GAB2: variants seen among roughly 807,000 people sequenced by gnomAD.
GAB2 encodes the protein GRB2 associated binding protein 2, also known as GRB2-associated-binding protein 2.
In GAB2, 26 loss-of-function variants were observed where a neutral mutation model predicts 65.5. The observed-to-expected ratio is 0.40, with a 90% CI of 0.29 to 0.55. The LOEUF is 0.55. Ranked by LOEUF, GAB2 falls within the 20% of genes least tolerant of loss-of-function variation. The pLI is 0.53. For missense variants in GAB2, 884 were observed against 875.8 expected, an observed-to-expected ratio of 1.01 and a Z score of -0.12; for synonymous variants, 321 against 329.6, an observed-to-expected ratio of 0.97 and a Z score of 0.28.
chr11:78,390,663 T>C (rs114428803), intron 1 of GAB2, among the ~76,000 whole-genome samples: 1,931 of 152,256 alleles, frequency 0.013, 36 homozygotes, highest in African/African-American at 0.044. Flanking sequence ...TTGAGACAGA[T>C]GTCCAATACC....
chr11:78,233,040 G>GTTTTTTTTTTTTTTTTTTTTTT (rs372693456), intron 3 of GAB2, among the ~76,000 whole-genome samples: 1 of 132,004 alleles, frequency 7.6e-6, no homozygotes, highest in Non-Finnish European at 1.6e-5. Context: ...GCACTGTTAA[G>GTTTTTTTTTTTTTTTTTTTTTT]TTTTTTTTTT....
intron 1 of GAB2, among the ~76,000 whole-genome samples, chr11:78,382,346 C>T (rs2134739938): frequency 6.6e-6 from 1 of 152,106 alleles, no homozygotes; most frequent in East Asian, 1.9e-4. Flanking sequence ...TCCTTGGCCC[C>T]CCCTTCTGCT....
At position 78,219,204 on chromosome 11, in the gene GAB2, G is replaced by A. The variant is rs746125014; in HGVS notation, c.*68C>T. ...GTGGATGGGAGGAAGAACGGGAGAG[G>A]GGAGAGGGGAGATGGGAAGGGCCAG... On this transcript the variant is annotated 3_prime_UTR_variant, in exon 10 of 10. Transcript: ENST00000361507. 7.6e-6 allele frequency: 11 copies of A among 1,442,758 alleles called. No individual in the cohort carries two copies. The highest frequency in any genetic ancestry group is 9.6e-6 in the Non-Finnish European group (10 of 1,038,162). The allele number at this position is 1,442,758 out of a possible 1,614,324, so 89.4% of individuals were successfully genotyped here. A position where few individuals can be genotyped will look rare whatever the true frequency, so the allele number is the denominator to read the frequency against.
intron 1 of GAB2, among the ~76,000 whole-genome samples, chr11:78,352,600 T>C (rs557419814): frequency 6.6e-6 from 1 of 152,068 alleles, no homozygotes; most frequent in East Asian, 1.9e-4. Flanking sequence ...GGAGATCTGA[T>C]GTTATCAGGG....
chr11:78,233,235 AT>A (rs1414449003), intron 3 of GAB2, among the ~76,000 whole-genome samples: 2 of 152,030 alleles, frequency 1.3e-5, no homozygotes, highest in East Asian at 3.9e-4. Context: ...GGGTGTCGCC[AT>A]GTTGCCCGGG....
At chr11:78,280,306 G>A (rs906449628) in intron 2 of GAB2, among the ~76,000 whole-genome samples, 1 of 152,176 alleles carries the variant, frequency 6.6e-6, no homozygotes, top group East Asian at 1.9e-4. Flanking sequence ...GACAGCACAG[G>A]GAAGAGAGAA....
intron 2 of GAB2, among the ~76,000 whole-genome samples, chr11:78,276,943 G>A (rs889202258): frequency 3.9e-5 from 6 of 151,940 alleles, no homozygotes; most frequent in East Asian, 3.9e-4. Context: ...TCAGCCTCCC[G>A]AGTAGCTAGG....
intron 1 of GAB2, among the ~76,000 whole-genome samples, chr11:78,339,383 G>C (rs1210331423): frequency 2.6e-5 from 4 of 152,126 alleles, no homozygotes; most frequent in African/African-American, 9.7e-5. Flanking sequence ...TCACAAGTCA[G>C]TCCTGCCCTT....
At chr11:78,393,984 A>C (rs61881820) in intron 1 of GAB2, among the ~76,000 whole-genome samples, 86 of 152,234 alleles carry the variant, frequency 5.6e-4, no homozygotes, top group South Asian at 1.7e-3. Context: ...TAATTAAAGA[A>C]TTTATTAAGA....
intron 1 of GAB2, among the ~76,000 whole-genome samples, chr11:78,320,725 CTTTT>C (rs72241707): frequency 1.8e-3 from 183 of 102,452 alleles, no homozygotes; most frequent in African/African-American, 5.6e-3. Flanking sequence ...TAATTTTTGC[CTTTT>C]TTTTTTTTTT....
At chr11:78,385,496 T>G (rs745798305) in intron 1 of GAB2, among the ~76,000 whole-genome samples, 1 of 152,148 alleles carries the variant, frequency 6.6e-6, no homozygotes, top group Non-Finnish European at 1.5e-5. Context: ...GGAAAAGCAT[T>G]AGTTATGACA....
At chr11:78,267,228 G>A (rs534489770) in intron 2 of GAB2, among the ~76,000 whole-genome samples, 1 of 152,332 alleles carries the variant, frequency 6.6e-6, no homozygotes, top group Admixed American at 6.5e-5. Flanking sequence ...CACAAGAGCA[G>A]GGCTAGGAAC....
intron 1 of GAB2, among the ~76,000 whole-genome samples, chr11:78,342,676 G>A (rs1227199247): frequency 6.6e-6 from 1 of 152,112 alleles, no homozygotes; most frequent in Non-Finnish European, 1.5e-5. Context: ...CCAAAGTGCT[G>A]GGATTACAGG....
At chr11:78,319,449 A>G (rs1183561404) in intron 1 of GAB2, among the ~76,000 whole-genome samples, 1 of 152,214 alleles carries the variant, frequency 6.6e-6, no homozygotes, top group African/African-American at 2.4e-5. Context: ...GAAGATATAT[A>G]TTGCAGTACT....
At chr11:78,336,001 A>G (rs1337639379) in intron 1 of GAB2, among the ~76,000 whole-genome samples, 1 of 152,060 alleles carries the variant, frequency 6.6e-6, no homozygotes, top group East Asian at 1.9e-4. Flanking sequence ...GCTACTATAA[A>G]TGGGATTACT....
At chr11:78,381,672 G>GTT (rs1856699428) in intron 1 of GAB2, among the ~76,000 whole-genome samples, 1 of 140,990 alleles carries the variant, frequency 7.1e-6, no homozygotes, top group Admixed American at 7.3e-5. Flanking sequence ...AAGGTAAATA[G>GTT]ATAAAAAAAA....
chr11:78,303,290 TATAA>T (rs1867084501), intron 1 of GAB2, among the ~76,000 whole-genome samples: 1 of 152,254 alleles, frequency 6.6e-6, no homozygotes, highest in Admixed American at 6.5e-5. Context: ...TTGCTTTTCT[TATAA>T]ATGTTTTATA....
chr11:78,281,704 A>T (rs1393479598), intron 1 of GAB2, among the ~76,000 whole-genome samples: 4 of 152,238 alleles, frequency 2.6e-5, no homozygotes, highest in African/African-American at 9.6e-5. Flanking sequence ...CTCACTATGT[A>T]AACAGGGTCT....
intron 2 of GAB2, among the ~76,000 whole-genome samples, chr11:78,269,957 G>A (rs1471400051): frequency 1.3e-5 from 2 of 152,174 alleles, no homozygotes; most frequent in Non-Finnish European, 2.9e-5. Context: ...ACAAAATGGG[G>A]CTCTGGTGAG....
Sources: gnomAD v4.1 joint callset for allele counts (sites outside exome capture counted in the v4.1 genomes callset) on GRCh38, gnomAD v4.1.1 for gene constraint, MANE v1.5 for transcripts, NCBI Gene and HGNC (gene_info 2026-07-23, HGNC 2026-07-21) for gene names.